Variants in FBXO11 observed in about 807,000 individuals in gnomAD.
FBXO11 encodes the protein F-box only protein 11.
In FBXO11, 13 loss-of-function variants were observed where a neutral mutation model predicts 117.0. The observed-to-expected ratio is 0.11, with a 90% CI of 0.07 to 0.18. The LOEUF (loss-of-function observed/expected upper bound fraction) is 0.18. Among genes scored for constraint, FBXO11 ranks in the 10% least tolerant of loss-of-function variants. The probability of loss-of-function intolerance (pLI) is 1.00; values close to 1 mark genes in which losing one functional copy is unlikely to be tolerated. For missense variants in FBXO11, 767 were observed against 1,164.4 expected (o/e 0.66, Z 4.97); for synonymous variants, 490 against 380.5 (o/e 1.29, Z -3.35).
At chr2:47,828,392 G>A (rs926788913) in intron 11 of FBXO11, among the ~76,000 whole-genome samples, 3 of 152,104 alleles carry the variant, frequency 2.0e-5, no homozygotes, top group African/African-American at 7.2e-5. Context: ...TGGAGCTCTT[G>A]AAGTCAGGAG....
intron 1 of FBXO11, among the ~76,000 whole-genome samples, chr2:47,850,688 C>A (rs148391984): frequency 6.6e-6 from 1 of 152,140 alleles, no homozygotes; most frequent in Non-Finnish European, 1.5e-5. Context: ...AAGTTCATAA[C>A]TTTAGTTTGA....
At chr2:47,875,629 G>C (rs1675944636) in intron 1 of FBXO11, among the ~76,000 whole-genome samples, 2 of 151,892 alleles carry the variant, frequency 1.3e-5, no homozygotes, top group Non-Finnish European at 1.5e-5. Flanking sequence ...TTATAAAAAA[G>C]GGTCTAATGG....
chr2:47,827,807 G>C (rs935468595), intron 11 of FBXO11, among the ~76,000 whole-genome samples: 1 of 149,738 alleles, frequency 6.7e-6, no homozygotes, highest in Admixed American at 6.7e-5. Context: ...AGCAATTTTC[G>C]TGCCTCAGCC....
At position 47,902,666 on chromosome 2, in the gene FBXO11, C is replaced by A. The variant is rs1316114053; in HGVS notation, c.232+2823G>T. Among the ~76,000 whole-genome samples, 3 of 152,224 alleles carry A rather than the reference C, an allele frequency of 2.0e-5. No homozygotes were observed. In the East Asian group the frequency reaches 5.8e-4, roughly 29 times the overall value. On this transcript the variant is annotated intron_variant, in intron 1 of 22. Transcript: ENST00000403359. Reference sequence around the variant, plus strand: ...ACCAATTAACCTGTGGGCAATGAAGCAGCTAAAGACCATTCTGACAGACTT... The same window carrying A: ...ACCAATTAACCTGTGGGCAATGAAGAAGCTAAAGACCATTCTGACAGACTT...
In FBXO11 at chr2:47,886,815, A is replaced by T. The variant is rs540899272; in HGVS notation, c.232+18674T>A. Among the ~76,000 whole-genome samples the T allele has an allele frequency of 2.0e-5, 3 of 152,208 alleles. No homozygotes were observed. In the South Asian group the frequency reaches 6.2e-4, roughly 31 times the overall value. ...TTAATGAAAAAAAGTGTTTATATAC[A>T]CATGCATTTAAAAAATTGAAAAAGC... On this transcript the variant is annotated intron_variant, in intron 1 of 22. Transcript: ENST00000403359.
At chr2:47,898,187 T>G (rs1572926027) in intron 1 of FBXO11, among the ~76,000 whole-genome samples, 1 of 152,382 alleles carries the variant, frequency 6.6e-6, no homozygotes. Context: ...ACGTTTTAAA[T>G]GCAATTAATG....
chr2:47,890,318 G>C (rs997003926), intron 1 of FBXO11, among the ~76,000 whole-genome samples: 1 of 151,948 alleles, frequency 6.6e-6, no homozygotes, highest in Non-Finnish European at 1.5e-5. Context: ...TCATTTACTA[G>C]AAATAATATA....
At chr2:47,815,533 G>A (rs1670945659) in intron 16 of FBXO11, among the ~76,000 whole-genome samples, 1 of 152,206 alleles carries the variant, frequency 6.6e-6, no homozygotes, top group Non-Finnish European at 1.5e-5. Flanking sequence ...CTGGGTCAGA[G>A]TAGTCCGCAT....
intron 16 of FBXO11, among the ~76,000 whole-genome samples, chr2:47,817,335 C>A (rs1022838337): frequency 1.3e-5 from 2 of 152,188 alleles, no homozygotes; most frequent in Non-Finnish European, 2.9e-5. Flanking sequence ...CTGGTTTGTT[C>A]TTCTATCCAC....
At chr2:47,852,401 T>C (rs746263242) in intron 1 of FBXO11, among the ~76,000 whole-genome samples, 3 of 152,170 alleles carry the variant, frequency 2.0e-5, no homozygotes, top group African/African-American at 7.2e-5. Flanking sequence ...GACTATAATT[T>C]GTGGTACTGC....
chr2:47,817,112 T>G lies in FBXO11; in HGVS notation c.2006+1667A>C, dbSNP rs574377747. On this transcript the variant is annotated intron_variant, in intron 16 of 22. Coordinates refer to ENST00000403359, the MANE Select transcript of FBXO11 (RefSeq NM_001190274.2). ...GTGTAGCCACCTTCAACAATGATCTTAGCTATATCTTCTGGGATAACTTTC... is the reference window on the plus strand; with the variant it reads ...GTGTAGCCACCTTCAACAATGATCTGAGCTATATCTTCTGGGATAACTTTC... Among the ~76,000 whole-genome samples the G allele has an allele frequency of 2.6e-5, 4 of 152,368 alleles. No homozygotes were observed. The East Asian group carries it at 7.7e-4, about 29-fold the overall frequency.
chr2:47,855,617 T>C (rs1235871796), intron 1 of FBXO11, among the ~76,000 whole-genome samples: 1 of 152,152 alleles, frequency 6.6e-6, no homozygotes, highest in Non-Finnish European at 1.5e-5. Flanking sequence ...GCTGATCACC[T>C]GAAGTCAGGA....
intron 1 of FBXO11, among the ~76,000 whole-genome samples, chr2:47,863,055 CA>C (rs763187950): frequency 0.14 from 10,029 of 73,870 alleles, 319 homozygotes; most frequent in African/African-American, 0.21. Context: ...AACTGTGTCT[CA>C]AAAAAAAAAA....
intron 1 of FBXO11, among the ~76,000 whole-genome samples, chr2:47,856,182 A>G (rs916160974): frequency 1.2e-4 from 19 of 152,236 alleles, no homozygotes; most frequent in Non-Finnish European, 2.6e-4. Flanking sequence ...CAAAGGACAC[A>G]GTGATATGTG....
intron 1 of FBXO11, among the ~76,000 whole-genome samples, chr2:47,897,163 T>C (rs1268111142): frequency 1.1e-4 from 16 of 152,230 alleles, no homozygotes; most frequent in Admixed American, 1.0e-3. Flanking sequence ...TCCCCTTTCC[T>C]ACTAAGTGTT....
chr2:47,874,867 C>T (rs1260441972), intron 1 of FBXO11, among the ~76,000 whole-genome samples: 11 of 128,876 alleles, frequency 8.5e-5, no homozygotes, highest in African/African-American at 1.4e-4. Flanking sequence ...TGTCTCAGGA[C>T]TTTTTTTTTT....
intron 5 of FBXO11, among the ~76,000 whole-genome samples, chr2:47,835,312 T>C (rs1367314499): frequency 6.6e-6 from 1 of 152,224 alleles, no homozygotes; most frequent in Non-Finnish European, 1.5e-5. Context: ...AAGCTAAATG[T>C]GGAACTTTAA....
At chr2:47,833,717 T>C (rs1223481338) in intron 7 of FBXO11, among the ~76,000 whole-genome samples, 1 of 152,230 alleles carries the variant, frequency 6.6e-6, no homozygotes, top group Non-Finnish European at 1.5e-5. Flanking sequence ...AAAAATTCTA[T>C]TTCAGTTCCT....
intron 16 of FBXO11, among the ~76,000 whole-genome samples, chr2:47,816,842 T>G (rs72809593): frequency 0.014 from 2,192 of 152,316 alleles, 16 homozygotes; most frequent in Admixed American, 0.02. Context: ...CTATCATCCA[T>G]GATTTGTTGT....
Sources: gnomAD v4.1 joint callset for allele counts (sites outside exome capture counted in the v4.1 genomes callset) on GRCh38, gnomAD v4.1.1 for gene constraint, MANE v1.5 for transcripts, NCBI Gene and HGNC (gene_info 2026-07-23, HGNC 2026-07-21) for gene names.